Variants in HDGFL3 observed in about 807,000 individuals in gnomAD.
HDGFL3 encodes the protein hepatoma-derived growth factor-related protein 3.
A neutral mutation model predicts 27.6 loss-of-function variants in HDGFL3; 6 were observed. The ratio of observed to expected loss-of-function variants is 0.22; its 90% confidence interval spans 0.12 to 0.43. HDGFL3 has a LOEUF of 0.43. Among genes scored for constraint, HDGFL3 ranks in the 20% least tolerant of loss-of-function variants. HDGFL3 has a pLI of 1.00. For synonymous variants in HDGFL3, 88 were observed against 88.9 expected (o/e 0.99, Z 0.05); for missense variants, 207 against 250.1 (o/e 0.83, Z 1.16).
intron 3 of HDGFL3, among the ~76,000 whole-genome samples, chr15:83,121,190 C>A (rs1472833902): frequency 6.6e-6 from 1 of 152,080 alleles, no homozygotes; most frequent in Non-Finnish European, 1.5e-5. Context: ...CCTGCCTCAG[C>A]CTCCCAAGTA....
intron 1 of HDGFL3, among the ~76,000 whole-genome samples, chr15:83,201,561 C>G (rs139606217): frequency 0.012 from 1,884 of 152,176 alleles, 16 homozygotes; most frequent in Non-Finnish European, 0.017. Context: ...ACTTACAAGC[C>G]TATAATACTT....
intron 1 of HDGFL3, among the ~76,000 whole-genome samples, chr15:83,175,317 T>A (rs1351288638): frequency 6.6e-6 from 1 of 152,228 alleles, no homozygotes; most frequent in Non-Finnish European, 1.5e-5. Flanking sequence ...GCACTCACTT[T>A]ATATTTTTAT....
chr15:83,157,964 C>G lies in HDGFL3; in HGVS notation c.239G>C (p.Gly80Ala). The G allele has an allele frequency of 6.2e-7, 1 of 1,612,676 alleles. No homozygotes were observed. Among genetic ancestry groups the G allele is most frequent in the Non-Finnish European group, 8.5e-7 (1 of 1,179,122 alleles). Residue 80 changes from glycine (G) to alanine (A), a missense_variant, in exon 3 of 6, where the codon GGA (glycine) becomes GCA (alanine). Physicochemically the swap from Gly to Ala is moderately conservative, Grantham distance 60. Transcript: ENST00000299633. ...DKFGKSNKRK[G>A]FNEGLWEIEN... ...TATTTCCCACAATCCTTCGTTAAATCCTTTCCGTTTGTTTGACTTTCCAAA... is the reference window on the plus strand; with the variant it reads ...TATTTCCCACAATCCTTCGTTAAATGCTTTCCGTTTGTTTGACTTTCCAAA...
At chr15:83,186,826 C>T (rs1429782603) in intron 1 of HDGFL3, among the ~76,000 whole-genome samples, 2 of 152,006 alleles carry the variant, frequency 1.3e-5, no homozygotes, top group Non-Finnish European at 2.9e-5. Flanking sequence ...GACTTTACCG[C>T]AATATAATGC....
intron 1 of HDGFL3, among the ~76,000 whole-genome samples, chr15:83,165,339 A>G (rs1322837913): frequency 6.6e-6 from 1 of 152,194 alleles, no homozygotes; most frequent in Non-Finnish European, 1.5e-5. Flanking sequence ...TTATCTCTTC[A>G]CATATAACTA....
At chr15:83,168,161 G>C (rs1312416291) in intron 1 of HDGFL3, among the ~76,000 whole-genome samples, 1 of 152,184 alleles carries the variant, frequency 6.6e-6, no homozygotes, top group African/African-American at 2.4e-5. Context: ...CAAAAGCAGT[G>C]TTAAGAGGAA....
chr15:83,176,737 T>C (rs1567173390), intron 1 of HDGFL3, among the ~76,000 whole-genome samples: 2 of 152,188 alleles, frequency 1.3e-5, no homozygotes, highest in Non-Finnish European at 1.5e-5. Context: ...CTTGCTGTGG[T>C]TCCTGCGGAT....
chr15:83,203,392 G>A (rs1255150134), intron 1 of HDGFL3, among the ~76,000 whole-genome samples: 2 of 151,958 alleles, frequency 1.3e-5, no homozygotes, highest in African/African-American at 4.8e-5. Flanking sequence ...GTTTATTCAC[G>A]TTGAGTATAC....
intron 1 of HDGFL3, among the ~76,000 whole-genome samples, chr15:83,176,600 T>C (rs2037314548): frequency 6.6e-6 from 1 of 152,172 alleles, no homozygotes; most frequent in Non-Finnish European, 1.5e-5. Flanking sequence ...TCACCATTAG[T>C]GTCACTGGGA....
In HDGFL3 at chr15:83,207,320, G is replaced by A. The variant is rs769233297; in HGVS notation, c.84+11C>T. The A allele has an allele frequency of 5.2e-6, 7 of 1,358,164 alleles. No homozygotes were observed. In the South Asian group the frequency reaches 1.4e-4, roughly 26 times the overall value. 84.1% of individuals were successfully genotyped at this position (1,358,164 alleles called of 1,614,324 possible). A position where few individuals can be genotyped will look rare whatever the true frequency, so the allele number is the denominator to read the frequency against. On this transcript the variant is annotated intron_variant, in intron 1 of 5. Transcript: ENST00000299633. The surrounding 1 kb of genome is among the most constrained non-coding windows in gnomAD (Gnocchi z 4.8). ...TGGGCGGGCGGGCCCGCGCGCGGCC[G>A]CGGTACTCACCCGGGCCGGCCAGTG... is the stretch of plus-strand genomic sequence containing the variant.
chr15:83,159,285 C>G (rs905412349), intron 2 of HDGFL3, among the ~76,000 whole-genome samples: 3 of 152,082 alleles, frequency 2.0e-5, no homozygotes, highest in Admixed American at 6.5e-5. Context: ...GAAGTTAGAA[C>G]AAATTCTGAG....
At chr15:83,191,634 T>A (rs558425554) in intron 1 of HDGFL3, among the ~76,000 whole-genome samples, 1 of 152,332 alleles carries the variant, frequency 6.6e-6, no homozygotes, top group African/African-American at 2.4e-5. Context: ...ATAAACCTTG[T>A]CAATTTCCAA....
At chr15:83,151,155 T>C in intron 5 of HDGFL3, 60 bp downstream of exon 5, 2 of 1,515,982 alleles carry the variant, frequency 1.3e-6, no homozygotes, top group Non-Finnish European at 1.8e-6. Flanking sequence ...ATATGGATGC[T>C]GAATCTGAAG....
chr15:83,154,682 A>C (rs930484331), intron 4 of HDGFL3, among the ~76,000 whole-genome samples: 1 of 152,238 alleles, frequency 6.6e-6, no homozygotes, highest in South Asian at 2.1e-4. Context: ...GTTAAGATCA[A>C]GAATGATAGT....
rs1373526970 is a variant in HDGFL3, at chr15:83,136,762, G to A, written c.*2508C>T. On this transcript the variant is annotated 3_prime_UTR_variant, in exon 6 of 6. Transcript: ENST00000299633. ...GTCCCATTTCACTCTCTTCTCATAC[G>A]TGAGTACTTAAGAATATGTACATTC... The A allele has an allele frequency of 1.2e-5, 13 of 1,080,994 alleles. No homozygotes were observed. Among genetic ancestry groups the A allele is most frequent in the South Asian group, 6.4e-5 (4 of 62,584 alleles). The allele number at this position is 1,080,994 out of a possible 1,614,324, so 67.0% of individuals were successfully genotyped here.
At chr15:83,185,644 C>G (rs1296085723) in intron 1 of HDGFL3, among the ~76,000 whole-genome samples, 1 of 152,158 alleles carries the variant, frequency 6.6e-6, no homozygotes, top group Non-Finnish European at 1.5e-5. Context: ...GTGACCACTT[C>G]AAGAGAGATG....
chr15:83,124,366 G>A (rs1295548937), downstream of HDGFL3, among the ~76,000 whole-genome samples: 1 of 152,090 alleles, frequency 6.6e-6, no homozygotes. Flanking sequence ...ATAGTGGTGT[G>A]GCAGGTTTAT....
intron 1 of HDGFL3, among the ~76,000 whole-genome samples, chr15:83,173,093 C>T (rs1202735062): frequency 6.6e-6 from 1 of 152,136 alleles, no homozygotes; most frequent in Non-Finnish European, 1.5e-5. Flanking sequence ...CTAAAACAAA[C>T]CTTATCATTC....
rs1310033176 is a variant in HDGFL3 at position 83,131,920 on chromosome 15, T to G, written c.*7350A>C. 1 of 152,194 alleles carries G rather than the reference T, an allele frequency of 6.6e-6. No homozygotes were observed. The highest frequency in any genetic ancestry group is 1.5e-5 in the Non-Finnish European group (1 of 68,032). 9.4% of individuals were successfully genotyped at this position (152,194 alleles called of 1,614,324 possible). On this transcript the variant is annotated 3_prime_UTR_variant, in exon 6 of 6. Transcript: ENST00000299633. The stretch of plus-strand genomic sequence containing the variant: ...CCACTTATTAGCATTTCCTATCAAT[T>G]GAAGCATTTTCTCTGCTAAAATATC...
Sources: gnomAD v4.1 joint callset for allele counts (sites outside exome capture counted in the v4.1 genomes callset) on GRCh38, gnomAD v4.1.1 for gene constraint, Gnocchi (gnomAD v3.1) non-coding constraint, MANE v1.5 for transcripts, NCBI Gene and HGNC (gene_info 2026-07-23, HGNC 2026-07-21) for gene names.